PARVB: variants seen among roughly 807,000 people sequenced by gnomAD.
The protein encoded by PARVB is beta-parvin.
Under a neutral mutation model 47.0 loss-of-function variants are expected in PARVB, and 46 were observed. The observed-to-expected ratio is 0.98, with a 90% CI of 0.77 to 1.25. PARVB has a LOEUF of 1.25. Among genes scored for constraint, PARVB ranks in the 50% most tolerant of loss-of-function variants. The pLI is 0.00. For missense variants in PARVB, 473 were observed against 471.6 expected, an observed-to-expected ratio of 1.00 and a Z score of -0.03; for synonymous variants, 196 against 196.3, an observed-to-expected ratio of 1.00 and a Z score of 0.01.
intron 3 of PARVB, chr22:44,105,011 A>G (rs768622369): frequency 2.6e-5 from 4 of 152,176 alleles, no homozygotes; most frequent in African/African-American, 4.8e-5. Context: ...CAGCACCTCC[A>G]TTGTCCTTTC....
chr22:44,088,617 G>T (rs949573402), intron 1 of PARVB, among the ~76,000 whole-genome samples: 1 of 152,054 alleles, frequency 6.6e-6, no homozygotes. Context: ...GATTGCAGGC[G>T]CCCACTGCCA....
In PARVB at chr22:44,081,869, A is replaced by C. The variant is rs574602867; in HGVS notation, c.113-12059A>C. On this transcript the variant is annotated intron_variant, in intron 1 of 12. Transcript: ENST00000338758. ...GCTGCCTCGAGGCTCTTTTCTTCTT[A>C]TTATTAGCTAATGACAGATTTCATG... Among the ~76,000 whole-genome samples, 28 of 152,156 alleles carry C rather than the reference A, an allele frequency of 1.8e-4. No individual in the cohort carries two copies. The South Asian group carries it at 1.9e-3, about 10-fold the overall frequency.
chr22:44,026,340 A>T (rs1018235239), intron 1 of PARVB: 15 of 985,588 alleles, frequency 1.5e-5, no homozygotes, highest in Non-Finnish European at 1.8e-5. Context: ...GAGGAGGAGC[A>T]GGACGCCGGG....
intron 4 of PARVB, among the ~76,000 whole-genome samples, chr22:44,128,470 G>T (rs1483205114): frequency 1.3e-5 from 2 of 152,230 alleles, no homozygotes; most frequent in Non-Finnish European, 2.9e-5. Context: ...GTCTGATGAT[G>T]CAAGTGATCA....
chr22:44,100,760 T>C (rs1165766662), intron 3 of PARVB, among the ~76,000 whole-genome samples: 2 of 152,100 alleles, frequency 1.3e-5, no homozygotes, highest in Non-Finnish European at 2.9e-5. Context: ...CAAGGACAGA[T>C]TGCAGTTTTG....
At chr22:44,165,525 G>T (rs866069806) in intron 12 of PARVB, among the ~76,000 whole-genome samples, 2 of 152,216 alleles carry the variant, frequency 1.3e-5, no homozygotes, top group Non-Finnish European at 2.9e-5. Flanking sequence ...GGGCCATGAG[G>T]GAGTGGCTAG....
At chr22:44,160,981 C>G (rs1009732411) in intron 11 of PARVB, among the ~76,000 whole-genome samples, 3 of 152,140 alleles carry the variant, frequency 2.0e-5, no homozygotes, top group Non-Finnish European at 4.4e-5. Context: ...GGGAGAGGCA[C>G]GTGAAAAGAC....
At chr22:44,037,105 T>C (rs1412775457) in intron 1 of PARVB, among the ~76,000 whole-genome samples, 1 of 152,134 alleles carries the variant, frequency 6.6e-6, no homozygotes, top group Non-Finnish European at 1.5e-5. Context: ...GAGGATCGCT[T>C]GAGCCCAGGA....
At chr22:44,017,567 A>G (rs1463529944) in intron 2 of PARVB, among the ~76,000 whole-genome samples, 1 of 152,226 alleles carries the variant, frequency 6.6e-6, no homozygotes, top group Non-Finnish European at 1.5e-5. Context: ...CTGTAATGGC[A>G]TATTCAAACT....
At chr22:44,116,662 A>G (rs1282333910) in intron 3 of PARVB, among the ~76,000 whole-genome samples, 1 of 152,224 alleles carries the variant, frequency 6.6e-6, no homozygotes, top group Non-Finnish European at 1.5e-5. Flanking sequence ...GGAGTCTAAC[A>G]GGGGAGAGCC....
chr22:44,032,738 C>T (rs1291838221), intron 1 of PARVB, among the ~76,000 whole-genome samples: 2 of 152,138 alleles, frequency 1.3e-5, no homozygotes, highest in Admixed American at 1.3e-4. Flanking sequence ...CGTGGTACAG[C>T]AGAAGTGGCA....
At chr22:44,078,313 A>G (rs5764508) in intron 1 of PARVB, among the ~76,000 whole-genome samples, 9 of 152,172 alleles carry the variant, frequency 5.9e-5, no homozygotes, top group Non-Finnish European at 1.0e-4. Flanking sequence ...ACACACCCAG[A>G]TGAGTGGTTA....
At chr22:44,154,601 G>C (rs1422888161) in intron 10 of PARVB, among the ~76,000 whole-genome samples, 2 of 145,914 alleles carry the variant, frequency 1.4e-5, no homozygotes, top group Non-Finnish European at 3.0e-5. Flanking sequence ...ATGTAGTCTG[G>C]TGTGTGTGTG....
At chr22:44,061,465 C>CAAAA (rs1569084590) in intron 1 of PARVB, among the ~76,000 whole-genome samples, 8 of 133,398 alleles carry the variant, frequency 6.0e-5, no homozygotes, top group East Asian at 4.4e-4. Flanking sequence ...ACAAAACAAA[C>CAAAA]CAAAACAGTG....
chr22:44,140,504 G>A (rs766955420), intron 8 of PARVB: 6 of 591,622 alleles, frequency 1.0e-5, no homozygotes, highest in Admixed American at 3.7e-5. Context: ...ATGGAGCGTC[G>A]TTAGCTGGCT....
intron 3 of PARVB, chr22:44,113,336 A>G (rs1485292946): frequency 1.1e-5 from 1 of 91,456 alleles, no homozygotes; most frequent in African/African-American, 5.7e-5. Context: ...GCACCAACAC[A>G]GATACATTGT....
Position 44,162,407 on chromosome 22 carries a change from C to T in PARVB, c.946-1451C>T, listed in dbSNP as rs895061607. Among the ~76,000 whole-genome samples the T allele has an allele frequency of 3.3e-5, 5 of 151,734 alleles. 1 individual carries two copies. Among genetic ancestry groups the T allele is most frequent in the Middle Eastern group, 6.9e-3 (2 of 290 alleles). ...CACAATCTCAGCTCACTGCAACCTC[C>T]GCCTCCTGGGTTCAAGCGATTCTCA... On this transcript the variant is annotated intron_variant, in intron 11 of 12. Transcript: ENST00000338758.
rs2053919413 is a variant in PARVB at position 44,155,766 on chromosome 22, C to A, written c.844-2216C>A. Among the ~76,000 whole-genome samples the A allele has an allele frequency of 6.6e-6, 1 of 152,192 alleles. No individual in the cohort carries two copies. The highest frequency in any genetic ancestry group is 1.5e-5 in the Non-Finnish European group (1 of 68,040). On this transcript the variant is annotated intron_variant, in intron 10 of 12. Transcript: ENST00000338758. The surrounding 1 kb of genome is among the most constrained non-coding windows in gnomAD (Gnocchi z 4.8). ...AAAGAATTCTTCAAACCCGTCTGATCTCCTTAATGATAGGAGTGGCTGGCT... is the reference window on the plus strand; with the variant it reads ...AAAGAATTCTTCAAACCCGTCTGATATCCTTAATGATAGGAGTGGCTGGCT...
chr22:44,088,676 T>G (rs996123574), intron 1 of PARVB, among the ~76,000 whole-genome samples: 74 of 152,262 alleles, frequency 4.9e-4, no homozygotes, highest in African/African-American at 1.7e-3. Context: ...TTCATCATGT[T>G]GGTCAGGCTG....
Sources: gnomAD v4.1 joint callset for allele counts (sites outside exome capture counted in the v4.1 genomes callset) on GRCh38, gnomAD v4.1.1 for gene constraint, Gnocchi (gnomAD v3.1) non-coding constraint, MANE v1.5 for transcripts, NCBI Gene and HGNC (gene_info 2026-07-23, HGNC 2026-07-21) for gene names.